Variants in ANGEL1 observed in about 807,000 individuals in gnomAD.
ANGEL1 encodes angel homolog 1.
Under a neutral mutation model 76.4 loss-of-function variants are expected in ANGEL1, and 62 were observed. The observed-to-expected ratio is 0.81, with a 90% CI of 0.66 to 1.00. The LOEUF (loss-of-function observed/expected upper bound fraction) is 1.00. Among genes scored for constraint, ANGEL1 ranks in the 50% least tolerant of loss-of-function variants. The pLI, the probability that ANGEL1 is intolerant of heterozygous loss-of-function variation, is 0.00. For synonymous variants in ANGEL1, 340 were observed against 331.7 expected, an observed-to-expected ratio of 1.03 and a Z score of -0.27; for missense variants, 737 against 836.7, an observed-to-expected ratio of 0.88 and a Z score of 1.47.
At chr14:76,807,821 A>G (rs779057486) in intron 3 of ANGEL1, 101 bp downstream of exon 3, 25 of 1,317,348 alleles carry the variant, frequency 1.9e-5, no homozygotes, top group Middle Eastern at 2.6e-4. Context: ...TAGGACTCCA[A>G]TCATTTGAAC....
At chr14:76,808,259 C>T in intron 2 of ANGEL1, 111 bp from the exon 3 acceptor site, 1 of 838,238 alleles carries the variant, frequency 1.2e-6, no homozygotes. Context: ...TTTCCATCTT[C>T]CCTGTCACCC....
rs1172359451 is a variant in ANGEL1 at position 76,786,605 on chromosome 14, G to A, written c.*2623C>T. On this transcript the variant is annotated 3_prime_UTR_variant, in exon 10 of 10. Transcript: ENST00000251089. ...GGGTTCTGGGAACCTGTTCAGGTAAGACAGAAAACCAGATCTGGTTTCAGG... is the reference window on the plus strand; with the variant it reads ...GGGTTCTGGGAACCTGTTCAGGTAAAACAGAAAACCAGATCTGGTTTCAGG... The A allele has an allele frequency of 6.6e-6, 1 of 152,230 alleles. No homozygotes were observed. Among genetic ancestry groups the A allele is most frequent in the Admixed American group, 6.5e-5 (1 of 15,288 alleles). The allele number at this position is 152,230 out of a possible 1,614,324, so 9.4% of individuals were successfully genotyped here. A position where few individuals can be genotyped will look rare whatever the true frequency, so the allele number is the denominator to read the frequency against.
At chr14:76,792,686 CA>C (rs1197196150) in intron 7 of ANGEL1, among the ~76,000 whole-genome samples, 1 of 151,994 alleles carries the variant, frequency 6.6e-6, no homozygotes, top group Non-Finnish European at 1.5e-5. Flanking sequence ...TGACACACTC[CA>C]ACACCCTTTC....
chr14:76,805,012 AAAATAAATAAATAAATAAATAAAT>A (rs59478597), intron 5 of ANGEL1, among the ~76,000 whole-genome samples: 3 of 146,958 alleles, frequency 2.0e-5, no homozygotes, highest in Non-Finnish European at 4.5e-5. Flanking sequence ...TCTGTCTCAA[AAAATAAATAAATAAATAAATAAAT>A]AAATAAATAA....
In ANGEL1 at chr14:76,809,557, C is replaced by A; in HGVS notation, c.151G>T (p.Gly51Cys). The A allele has an allele frequency of 6.2e-7, 1 of 1,614,180 alleles. No homozygotes were observed. Among genetic ancestry groups the A allele is most frequent in the South Asian group, 1.1e-5 (1 of 91,080 alleles). The change falls in exon 2 of 10, where the codon GGC (glycine) becomes TGC (cysteine). Residue 51 changes from glycine (G) to cysteine (C), a missense_variant. This residue lies in a region of ANGEL1 where 441 missense variants were observed against 449.5 expected (regional missense o/e 0.98). Transcript: ENST00000251089. Reference protein sequence around the residue: ...VEGDFAMAPRGPEQEECEGLL... With the variant: ...VEGDFAMAPRCPEQEECEGLL... ...CCCTCACATTCCTCCTGCTCAGGGCCCCGAGGGGCCATGGCAAAGTCGCCC... is the reference window on the plus strand; with the variant it reads ...CCCTCACATTCCTCCTGCTCAGGGCACCGAGGGGCCATGGCAAAGTCGCCC...
chr14:76,811,366 T>C (rs1237844828), intron 1 of ANGEL1, among the ~76,000 whole-genome samples: 1 of 152,216 alleles, frequency 6.6e-6, no homozygotes, highest in Non-Finnish European at 1.5e-5. Context: ...TTGGTTCATA[T>C]GCACGAAGTT....
intron 1 of ANGEL1, 145 bp from the exon 2 acceptor site, chr14:76,809,788 C>T: frequency 1.5e-6 from 1 of 673,872 alleles, no homozygotes; most frequent in Non-Finnish European, 2.6e-6. Flanking sequence ...TACCTTAATG[C>T]CTGAACATCA....
At position 76,803,390 on chromosome 14, in the gene ANGEL1, T is replaced by A. The variant is rs1894821634; in HGVS notation, c.1599A>T (p.Gly533=). The A allele has an allele frequency of 1.2e-6, 2 of 1,614,128 alleles. No homozygotes were observed. Among genetic ancestry groups the A allele is most frequent in the Non-Finnish European group, 1.7e-6 (2 of 1,179,978 alleles). Residue 533 remains glycine (G), a synonymous_variant, in exon 7 of 10, where the codon GGA becomes GGT. Coordinates refer to ENST00000251089, the MANE Select transcript of ANGEL1 (RefSeq NM_015305.4). ...QRPVGLVLME[G]VTDTKPERPA... Reference sequence around the variant, plus strand: ...CATTACCTGGCTTAGTATCTGTCACTCCTTCCATAAGGACCAGTCCTACTG... The same window carrying A: ...CATTACCTGGCTTAGTATCTGTCACACCTTCCATAAGGACCAGTCCTACTG...
intron 4 of ANGEL1, 48 bp from the exon 5 acceptor site, chr14:76,806,897 T>C (rs757610201): frequency 1.9e-6 from 3 of 1,570,794 alleles, no homozygotes; most frequent in Non-Finnish European, 1.7e-6. Flanking sequence ...CCTTAAAGCC[T>C]GAATCCCTTC....
Position 76,791,333 on chromosome 14 carries a change from T to G in ANGEL1, c.1652A>C (p.Glu551Ala). The part of the protein sequence containing the change: ...RPAGWAESVL[E>A]EDASELEPAF... ...AGGCTCAAGCTCCGATGCATCTTCC[T>G]CAAGGACAGACTCAGCCCAACCCGC... Residue 551 changes from glutamate to alanine, a missense_variant, in exon 8 of 10, where the codon GAG (glutamate) becomes GCG (alanine). Glu to Ala is a moderately radical substitution (Grantham distance 107, BLOSUM62 -1). Coordinates refer to ENST00000251089, the MANE Select transcript of ANGEL1 (RefSeq NM_015305.4). 1.2e-6 allele frequency: 2 copies of G among 1,614,092 alleles called. No individual in the cohort carries two copies. Among genetic ancestry groups the G allele is most frequent in the Non-Finnish European group, 1.7e-6 (2 of 1,179,992 alleles).
intron 5 of ANGEL1, among the ~76,000 whole-genome samples, chr14:76,805,520 C>G (rs1053600126): frequency 2.6e-5 from 4 of 152,096 alleles, no homozygotes; most frequent in African/African-American, 9.7e-5. Context: ...AAAAGTTAGT[C>G]AATAAATTGA....
intron 7 of ANGEL1, among the ~76,000 whole-genome samples, chr14:76,794,212 A>G (rs981746974): frequency 1.3e-5 from 2 of 152,200 alleles, no homozygotes; most frequent in Non-Finnish European, 1.5e-5. Flanking sequence ...GATCATGGTG[A>G]TGGTCACACA....
intron 7 of ANGEL1, among the ~76,000 whole-genome samples, chr14:76,796,714 CTTAG>C (rs768959871): frequency 3.3e-5 from 5 of 152,244 alleles, no homozygotes; most frequent in South Asian, 4.2e-4. Flanking sequence ...CGACATGTTA[CTTAG>C]TTATTCTATA....
chr14:76,810,283 C>T (rs777826888), intron 1 of ANGEL1: 1 of 451,170 alleles, frequency 2.2e-6, no homozygotes, highest in South Asian at 1.6e-5. Context: ...TAGCCAAGTA[C>T]GGTGGCACAT....
At position 76,786,934 on chromosome 14, in the gene ANGEL1, G is replaced by C. The variant is rs1894275670; in HGVS notation, c.*2294C>G. ...ACTAGGAGGAGGCATGGGGGGAGCAGATGGAGGAAGAATGAAAAGCAGTCC... is the reference window on the plus strand; with the variant it reads ...ACTAGGAGGAGGCATGGGGGGAGCACATGGAGGAAGAATGAAAAGCAGTCC... On this transcript the variant is annotated 3_prime_UTR_variant, in exon 10 of 10. Transcript: ENST00000251089. The C allele has an allele frequency of 6.6e-6, 1 of 152,352 alleles. No individual in the cohort carries two copies. Among genetic ancestry groups the C allele is most frequent in the South Asian group, 2.1e-4 (1 of 4,836 alleles). The allele number at this position is 152,352 out of a possible 1,614,324, so 9.4% of individuals were successfully genotyped here. A position where few individuals can be genotyped will look rare whatever the true frequency, so the allele number is the denominator to read the frequency against.
intron 7 of ANGEL1, among the ~76,000 whole-genome samples, chr14:76,799,388 C>T (rs1363596887): frequency 2.0e-5 from 3 of 147,176 alleles, no homozygotes; most frequent in Admixed American, 6.8e-5. Context: ...CTGCCTCCCG[C>T]GTTCACACCA....
At chr14:76,811,687 C>T (rs12434362) in intron 1 of ANGEL1, among the ~76,000 whole-genome samples, 37,960 of 151,998 alleles carry the variant, frequency 0.25, 5,220 homozygotes, top group South Asian at 0.39. Flanking sequence ...TGTGGAGTTT[C>T]CCACATTCCT....
chr14:76,789,322 A>G lies in ANGEL1; in HGVS notation c.1919T>C (p.Ile640Thr), dbSNP rs151314614. ...LGRLSLLSEE[I>T]LWAANGLPNP... ...GGGTAAGCCATTGGCAGCCCAGAGT[A>G]TCTCTTCAGAGAGAAGGGAGAGACG... The change falls in exon 10 of 10, where the codon ATA becomes ACA. Residue 640 changes from isoleucine to threonine, a missense_variant. This residue lies in a region of ANGEL1 where 296 missense variants were observed against 387.2 expected (regional missense o/e 0.76). Transcript: ENST00000251089. 101 of 1,614,198 alleles carry G rather than the reference A, an allele frequency of 6.3e-5. No individual in the cohort carries two copies. The African/African-American group carries it at 1.2e-3, about 19-fold the overall frequency.
intron 5 of ANGEL1, chr14:76,804,579 A>T (rs1894861117): frequency 2.2e-6 from 1 of 457,610 alleles, no homozygotes; most frequent in Admixed American, 6.4e-5. Flanking sequence ...CAATAGACAG[A>T]ATCCCCTTGC....
Sources: gnomAD v4.1 joint callset for allele counts (sites outside exome capture counted in the v4.1 genomes callset) on GRCh38, gnomAD v4.1.1 for gene constraint, gnomAD v4.1.1 regional missense constraint, MANE v1.5 for transcripts, NCBI Gene and HGNC (gene_info 2026-07-23, HGNC 2026-07-21) for gene names.